NFKB1: variants seen among roughly 807,000 people sequenced by gnomAD.
The protein encoded by NFKB1 is nuclear factor NF-kappa-B p105 subunit.
NFKB1 carries 9 observed loss-of-function variants against 105.1 expected under a neutral mutation model. That is an observed-to-expected ratio of 0.09 (90% CI 0.05 to 0.15). The LOEUF is 0.15. Ranked by LOEUF, NFKB1 falls within the 10% of genes least tolerant of loss-of-function variation. The pLI, the probability that NFKB1 is intolerant of heterozygous loss-of-function variation, is 1.00. For synonymous variants in NFKB1, 440 were observed against 442.2 expected (o/e 1.00, Z 0.06); for missense variants, 830 against 1,203.7 (o/e 0.69, Z 4.59).
At chr4:102,604,799 C>A (rs958273277) in intron 16 of NFKB1, among the ~76,000 whole-genome samples, 9 of 152,078 alleles carry the variant, frequency 5.9e-5, no homozygotes, top group African/African-American at 2.2e-4. Context: ...GATACATCTG[C>A]AAGAGTTGGG....
intron 5 of NFKB1, among the ~76,000 whole-genome samples, chr4:102,554,969 G>A (rs545144002): frequency 6.6e-5 from 10 of 152,214 alleles, no homozygotes; most frequent in African/African-American, 2.2e-4. Context: ...ATTGCTTCTC[G>A]AAGTAGAAAA....
chr4:102,545,718 G>C (rs1722084887), intron 5 of NFKB1, among the ~76,000 whole-genome samples: 1 of 152,016 alleles, frequency 6.6e-6, no homozygotes, highest in South Asian at 2.1e-4. Flanking sequence ...CCACAGAGAC[G>C]CCTGGGAACC....
intron 5 of NFKB1, among the ~76,000 whole-genome samples, chr4:102,555,898 G>T (rs897017013): frequency 6.6e-6 from 1 of 152,186 alleles, no homozygotes; most frequent in African/African-American, 2.4e-5. Flanking sequence ...TACAAATCTG[G>T]TAGCAATCTG....
intron 11 of NFKB1, among the ~76,000 whole-genome samples, chr4:102,589,385 C>G (rs1429253927): frequency 2.0e-5 from 3 of 151,772 alleles, no homozygotes; most frequent in Admixed American, 2.0e-4. Flanking sequence ...GAATCTAAAA[C>G]ATATTTGATA....
chr4:102,539,464 C>T (rs113012178), intron 5 of NFKB1, among the ~76,000 whole-genome samples: 1 of 152,196 alleles, frequency 6.6e-6, no homozygotes, highest in African/African-American at 2.4e-5. Flanking sequence ...TTTTAAGTCT[C>T]TTAGCTCCAA....
chr4:102,606,425 G>A, intron 16 of NFKB1, 71 bp from the exon 17 acceptor site: 1 of 1,447,034 alleles, frequency 6.9e-7, no homozygotes, highest in East Asian at 2.3e-5. Flanking sequence ...TGCAGTAACA[G>A]CTACCAAGCT....
chr4:102,518,613 G>A (rs1006896248), intron 1 of NFKB1, among the ~76,000 whole-genome samples: 1 of 152,148 alleles, frequency 6.6e-6, no homozygotes, highest in Non-Finnish European at 1.5e-5. Context: ...TCACCACAAA[G>A]CAAATTAAAA....
At chr4:102,609,568 C>T (rs543347529) in intron 19 of NFKB1, among the ~76,000 whole-genome samples, 10 of 138,834 alleles carry the variant, frequency 7.2e-5, no homozygotes, top group East Asian at 4.4e-4. Context: ...GCTGAGACTG[C>T]GCCATTGCAC....
rs147574894 is a variant in NFKB1 at position 102,600,911 on chromosome 4, A to G, written c.1654A>G (p.Ile552Val). Residue 552 changes from isoleucine (I) to valine (V), a missense_variant, in exon 16 of 24, where the codon ATC (isoleucine) becomes GTC (valine). Physicochemically the swap from Ile to Val is conservative, Grantham distance 29. Coordinates refer to ENST00000226574, the MANE Select transcript of NFKB1 (RefSeq NM_003998.4). Reference sequence around the variant, plus strand: ...TCATTCCAGTGTCTTACACTTAGCAATCATCCACCTTCATTCTCAACTTGT... The same window carrying G: ...TCATTCCAGTGTCTTACACTTAGCAGTCATCCACCTTCATTCTCAACTTGT... ...ENGDSVLHLAIIHLHSQLVRD... is the reference protein window; with the variant it reads ...ENGDSVLHLAVIHLHSQLVRD... 8.2e-5 allele frequency: 132 copies of G among 1,602,156 alleles called. No homozygotes were observed. In the African/African-American group the frequency reaches 1.0e-3, roughly 13 times the overall value.
At chr4:102,585,609 G>T (rs951872260) in intron 11 of NFKB1, among the ~76,000 whole-genome samples, 1 of 152,128 alleles carries the variant, frequency 6.6e-6, no homozygotes, top group Non-Finnish European at 1.5e-5. Context: ...CTTTAAGAAA[G>T]GGCACTCATA....
intron 6 of NFKB1, among the ~76,000 whole-genome samples, chr4:102,571,268 C>A (rs1245231363): frequency 1.3e-5 from 2 of 152,212 alleles, no homozygotes; most frequent in Admixed American, 6.5e-5. Context: ...GCTGGGAAAA[C>A]TGGCTAGCCA....
At chr4:102,577,104 A>C (rs1724887856) in intron 7 of NFKB1, 65 bp downstream of exon 7, 1 of 1,506,432 alleles carries the variant, frequency 6.6e-7, no homozygotes, top group Non-Finnish European at 9.0e-7. Flanking sequence ...ATCTGTATGA[A>C]TTATATGTTC....
intron 1 of NFKB1, among the ~76,000 whole-genome samples, chr4:102,502,336 G>T (rs10013613): frequency 0.41 from 59,027 of 142,430 alleles, 12,768 homozygotes; most frequent in Admixed American, 0.48. Context: ...AACCTGGCTC[G>T]CTCTCTGTCT....
intron 5 of NFKB1, among the ~76,000 whole-genome samples, chr4:102,558,921 G>A (rs1425761967): frequency 6.6e-6 from 1 of 152,198 alleles, no homozygotes; most frequent in African/African-American, 2.4e-5. Context: ...AAATTAAGCA[G>A]AGAAAGGAGC....
chr4:102,610,160 G>A (rs1728259106), intron 19 of NFKB1, among the ~76,000 whole-genome samples: 1 of 152,170 alleles, frequency 6.6e-6, no homozygotes, highest in Non-Finnish European at 1.5e-5. Flanking sequence ...TCCAAGAAAA[G>A]GGGCTGAGAA....
Position 102,612,462 on chromosome 4 carries a change from G to A in NFKB1, c.2448G>A (p.Val816=), listed in dbSNP as rs370135976. ...ACATGAAACAGCTGGCTGAAGATGTGAAGCTGCAGCTGTATAAGTTACTAG... is the reference window on the plus strand; with the variant it reads ...ACATGAAACAGCTGGCTGAAGATGTAAAGCTGCAGCTGTATAAGTTACTAG... The part of the protein sequence containing the change: ...QGDMKQLAED[V]KLQLYKLLEI... Residue 816 remains valine (V), a synonymous_variant, in exon 22 of 24, where the codon GTG becomes GTA. Transcript: ENST00000226574. 2.3e-5 allele frequency: 37 copies of A among 1,613,340 alleles called. 1 individual carries two copies. Among genetic ancestry groups the A allele is most frequent in the South Asian group, 8.8e-5 (8 of 91,064 alleles).
At position 102,593,350 on chromosome 4, in the gene NFKB1, T is replaced by C. The variant is rs1438344509; in HGVS notation, c.1067-75T>C. ...AAGATGTTTAAAAATACCATTAGAA[T>C]CAGTGGTCTTTCTGTGGCTAGTGGT... On this transcript the variant is annotated intron_variant, in intron 11 of 23. Transcript: ENST00000226574. The C allele has an allele frequency of 1.6e-5, 20 of 1,287,066 alleles. No homozygotes were observed. The East Asian group carries it at 4.7e-4, about 30-fold the overall frequency. The allele number at this position is 1,287,066 out of a possible 1,614,324, so 79.7% of individuals were successfully genotyped here. A position where few individuals can be genotyped will look rare whatever the true frequency, so the allele number is the denominator to read the frequency against.
At chr4:102,524,458 G>C (rs1740769271) in intron 1 of NFKB1, among the ~76,000 whole-genome samples, 1 of 152,180 alleles carries the variant, frequency 6.6e-6, no homozygotes, top group Non-Finnish European at 1.5e-5. Context: ...GAACACGCTA[G>C]AGCAGCAGTC....
chr4:102,502,332 GCTCGCTCTCTGTCT>G (rs1739109556), intron 1 of NFKB1, among the ~76,000 whole-genome samples: 1 of 149,006 alleles, frequency 6.7e-6, no homozygotes, highest in Non-Finnish European at 1.5e-5. Flanking sequence ...AAGAAACCTG[GCTCGCTCTCTGTCT>G]CTCTCTCTCT....
Sources: allele counts gnomAD v4.1 joint callset (sites outside exome capture counted in the v4.1 genomes callset), GRCh38; gene constraint gnomAD v4.1.1; transcripts MANE v1.5; gene names NCBI Gene and HGNC (gene_info 2026-07-23, HGNC 2026-07-21).